The following LRRC4 variants were observed in gnomAD, a reference collection of about 807,000 sequenced individuals.
LRRC4 encodes leucine-rich repeat-containing protein 4.
A neutral mutation model predicts 37.9 loss-of-function variants in LRRC4; 11 were observed. The observed-to-expected ratio is 0.29, with a 90% confidence interval of 0.18 to 0.48. LRRC4 has a LOEUF of 0.48. Ranked by LOEUF, LRRC4 falls within the 20% of genes least tolerant of loss-of-function variation. LRRC4 has a pLI of 0.99. For synonymous variants in LRRC4, 404 were observed against 346.7 expected, an observed-to-expected ratio of 1.17 and a Z score of -1.84; for missense variants, 717 against 842.1, an observed-to-expected ratio of 0.85 and a Z score of 1.84.
rs1458361438 is a variant in LRRC4, at chr7:128,030,359, G to A, written c.282C>T (p.Thr94=). Residue 94 remains threonine, a synonymous_variant, in exon 2 of 2, where the codon ACC becomes ACT. Coordinates refer to ENST00000249363, the MANE Select transcript of LRRC4 (RefSeq NM_022143.5). ...CCTCCAGGTGGTGGAGGTGGCGGAA[G>A]GTGTCGGCCTGGATCATCTGGATGT... ...ENNIQMIQAD[T]FRHLHHLEVL... 3.7e-6 allele frequency: 6 copies of A among 1,613,956 alleles called. No individual in the cohort carries two copies. Among genetic ancestry groups the A allele is most frequent in the Non-Finnish European group, 3.4e-6 (4 of 1,180,040 alleles).
In LRRC4 at chr7:128,029,147, G is replaced by T. The variant is rs1348017281; in HGVS notation, c.1494C>A (p.Thr498=). Reference sequence around the variant, plus strand: ...GTACTGCCACCTGCTTGGGCACACGGGTAGTCTGAATGAGCACCGTGGTAG... The same window carrying T: ...GTACTGCCACCTGCTTGGGCACACGTGTAGTCTGAATGAGCACCGTGGTAG... The part of the protein sequence containing the change: ...TTSTTVLIQT[T]RVPKQVAVPA... The change falls in exon 2 of 2, where the codon ACC becomes ACA. Residue 498 remains threonine, a synonymous_variant. Transcript: ENST00000249363. The surrounding 1 kb of genome is among the most constrained non-coding windows in gnomAD (Gnocchi z 4.2). The T allele has an allele frequency of 1.2e-6, 2 of 1,614,110 alleles. No individual in the cohort carries two copies. The highest frequency in any genetic ancestry group is 1.1e-5 in the South Asian group (1 of 91,078).
At position 128,030,578 on chromosome 7, in the gene LRRC4, G is replaced by A. The variant is rs1363521324; in HGVS notation, c.63C>T (p.Phe21=). The change falls in exon 2 of 2, where the codon TTC becomes TTT. Residue 21 remains phenylalanine, a synonymous_variant. Transcript: ENST00000249363. ...HHTWNAILLP[F]VYLTAQVWIL... ...TCCACACTTGCGCCGTGAGGTAGAC[G>A]AACGGGAGCAGGATGGCATTCCAGG... The A allele has an allele frequency of 6.8e-6, 11 of 1,606,220 alleles. No homozygotes were observed. Among genetic ancestry groups the A allele is most frequent in the Non-Finnish European group, 9.4e-6 (11 of 1,174,806 alleles).
At position 128,028,775 on chromosome 7, in the gene LRRC4, G is replaced by T; in HGVS notation, c.1866C>A (p.Ser622Arg). The T allele has an allele frequency of 6.2e-7, 1 of 1,614,048 alleles. No homozygotes were observed. The highest frequency in any genetic ancestry group is 8.5e-7 in the Non-Finnish European group (1 of 1,180,000). ...PAHGAHWTEN[S>R]LGNSLHPTVT... is the part of the protein sequence containing the mutation. ...CTGTGGGGTGCAGAGAGTTCCCCAG[G>T]CTGTTTTCTGTCCAGTGGGCCCCAT... The change falls in exon 2 of 2, where the codon AGC becomes AGA. Residue 622 changes from serine to arginine, a missense_variant. Ser to Arg is a moderately radical substitution (Grantham distance 110). This residue lies in a region of LRRC4 where 140 missense variants were observed against 137.2 expected (regional missense o/e 1.02). Transcript: ENST00000249363.
chr7:128,032,013 A>G (rs1214582212), upstream of LRRC4: 2 of 151,178 alleles, frequency 1.3e-5, no homozygotes, highest in Non-Finnish European at 3.0e-5. Context: ...CGCGGCGCCC[A>G]CCGTCTCCTC....
Position 128,027,226 on chromosome 7 carries a change from G to C in LRRC4, c.*1453C>G, listed in dbSNP as rs1290314767. On this transcript the variant is annotated 3_prime_UTR_variant, in exon 2 of 2. Transcript: ENST00000249363. ...TTTAAAGCTAAAATAATAACTGAAA[G>C]AAGTTACATCATTAGATGGACCAGA... The C allele has an allele frequency of 7.2e-6, 1 of 138,042 alleles. No individual in the cohort carries two copies. Among genetic ancestry groups the C allele is most frequent in the African/African-American group, 2.8e-5 (1 of 35,794 alleles). The allele number at this position is 138,042 out of a possible 1,614,324, so 8.6% of individuals were successfully genotyped here. A position where few individuals can be genotyped will look rare whatever the true frequency, so the allele number is the denominator to read the frequency against.
chr7:128,032,126 T>C (rs1326238284), upstream of LRRC4: 2 of 151,840 alleles, frequency 1.3e-5, no homozygotes, highest in Non-Finnish European at 2.9e-5. Flanking sequence ...CGCATACTGT[T>C]CTGGGAGAAG....
chr7:128,029,537 C>G lies in LRRC4; in HGVS notation c.1104G>C (p.Arg368=), dbSNP rs1792514194. ...GAGTCCGACACTTAAGTTCTGCCAT[C>G]CGACCCTCAGAAATGTTGAGGTCTC... ...APRDLNISEG[R]MAELKCRTPP... is the part of the protein sequence containing the mutation. The change falls in exon 2 of 2, where the codon CGG becomes CGC. Residue 368 remains arginine (R), a synonymous_variant. Transcript: ENST00000249363. The surrounding 1 kb of genome is among the most constrained non-coding windows in gnomAD (Gnocchi z 4.2). The G allele has an allele frequency of 1.9e-6, 3 of 1,614,072 alleles. No homozygotes were observed. The highest frequency in any genetic ancestry group is 1.7e-6 in the Non-Finnish European group (2 of 1,180,024).
chr7:128,032,078 C>T (rs1308153149), upstream of LRRC4: 1 of 151,936 alleles, frequency 6.6e-6, no homozygotes, highest in African/African-American at 2.4e-5. Flanking sequence ...GCTCTCTCAT[C>T]CTTTTGTCCT....
chr7:128,030,997 C>A lies in LRRC4; in HGVS notation c.-185G>T, dbSNP rs115852530. The A allele has an allele frequency of 5.7e-3, 765 of 134,862 alleles. 5 individuals are homozygous for A. The highest frequency in any genetic ancestry group is 0.02 in the African/African-American group (737 of 36,190). The allele number at this position is 134,862 out of a possible 1,614,324, so 8.4% of individuals were successfully genotyped here. On this transcript the variant is annotated 5_prime_UTR_variant, in exon 1 of 2. Transcript: ENST00000249363. ...GGGCACCTCGTTCCCATTCCGACTT[C>A]TTAGTTTTAATTAACAAAAGGGGGA... is the stretch of plus-strand genomic sequence containing the variant.
rs1792480640 is a variant in LRRC4 at position 128,028,821 on chromosome 7, T to C, written c.1820A>G (p.Tyr607Cys). The C allele has an allele frequency of 6.2e-7, 1 of 1,614,068 alleles. No homozygotes were observed. Residue 607 changes from tyrosine (Y) to cysteine (C), a missense_variant, in exon 2 of 2, where the codon TAC becomes TGC. Physicochemically the swap from Tyr to Cys is radical, Grantham distance 194. Transcript: ENST00000249363. ...VLPTIHDHIN[Y>C]NTYKPAHGAH... The stretch of plus-strand genomic sequence containing the variant: ...CCCATGTGCTGGTTTGTAGGTGTTG[T>C]AGTTAATATGGTCATGAATTGTGGG...
chr7:128,031,793 T>TCGCC (rs1792616823), upstream of LRRC4, among the ~76,000 whole-genome samples: 3 of 143,288 alleles, frequency 2.1e-5, no homozygotes, highest in African/African-American at 7.5e-5. Flanking sequence ...CGCCCGCCGC[T>TCGCC]GCCCGGCCCC....
Position 128,029,250 on chromosome 7 carries a change from A to G in LRRC4, c.1391T>C (p.Ile464Thr). 6.2e-7 allele frequency: 1 copy of G among 1,614,006 alleles called. No individual in the cohort carries two copies. Among genetic ancestry groups the G allele is most frequent in the Non-Finnish European group, 8.5e-7 (1 of 1,180,026 alleles). ...CTTTCGCGTTGTGTCCTCAGGCGAG[A>G]TCTCCGTGGTCTCCACTGTTACTGT... ...FTTVTVETTE[I>T]SPEDTTRKYK... Residue 464 changes from isoleucine to threonine, a missense_variant, in exon 2 of 2, where the codon ATC (isoleucine) becomes ACC (threonine). Coordinates refer to ENST00000249363, the MANE Select transcript of LRRC4 (RefSeq NM_022143.5). The surrounding 1 kb of genome is among the most constrained non-coding windows in gnomAD (Gnocchi z 4.2).
upstream of LRRC4, chr7:128,031,962 C>T (rs1792628057): frequency 6.6e-6 from 1 of 150,630 alleles, no homozygotes; most frequent in South Asian, 2.1e-4. Flanking sequence ...ACATAGTCCC[C>T]GCTGGCTAGC....
At position 128,031,070 on chromosome 7, in the gene LRRC4, A is replaced by AGGGG. The variant is rs1792578753; in HGVS notation, c.-259_-258insCCCC. The AGGGG allele has an allele frequency of 3.0e-5, 4 of 132,230 alleles. No individual in the cohort carries two copies. The highest frequency in any genetic ancestry group is 2.6e-4 in the South Asian group (1 of 3,870). The allele number at this position is 132,230 out of a possible 1,614,324, so 8.2% of individuals were successfully genotyped here. A position where few individuals can be genotyped will look rare whatever the true frequency, so the allele number is the denominator to read the frequency against. On this transcript the variant is annotated 5_prime_UTR_variant, in exon 1 of 2. Transcript: ENST00000249363. Reference sequence around the variant, plus strand: ...GAGGGGAGGGGAGGGGAGGGGAGGGAAGGGGTGGGGGAGACAAAATGGCCT... The same window carrying AGGGG: ...GAGGGGAGGGGAGGGGAGGGGAGGGAGGGGAGGGGTGGGGGAGACAAAATGGCCT...
Position 128,029,285 on chromosome 7 carries a change from G to T in LRRC4, c.1356C>A (p.Ser452Arg), listed in dbSNP as rs757374250. ...STAELNTSNY[S>R]FFTTVTVETT... The stretch of plus-strand genomic sequence containing the variant: ...TCTCCACTGTTACTGTGGTGAAGAA[G>T]CTGTAGTTGGAGGTGTTAAGCTCAG... Residue 452 changes from serine (S) to arginine (R), a missense_variant, in exon 2 of 2, where the codon AGC (serine) becomes AGA (arginine). Physicochemically the swap from Ser to Arg is moderately radical, Grantham distance 110 (BLOSUM62 -1). Coordinates refer to ENST00000249363, the MANE Select transcript of LRRC4 (RefSeq NM_022143.5). This position sits in a 1 kb window ranked among gnomAD's most constrained non-coding sequence, Gnocchi z 4.2. The T allele has an allele frequency of 1.9e-6, 3 of 1,614,222 alleles. No homozygotes were observed. The Admixed American group carries it at 5.0e-5, about 27-fold the overall frequency.
upstream of LRRC4, chr7:128,031,490 C>T (rs1204984803): frequency 6.6e-6 from 1 of 151,462 alleles, no homozygotes; most frequent in Non-Finnish European, 1.5e-5. Flanking sequence ...GCGCCTTCGC[C>T]CTCCCCAGAC....
rs1487277772 is a variant in LRRC4 at position 128,029,388 on chromosome 7, T to G, written c.1253A>C (p.Asp418Ala). 6.2e-7 allele frequency: 1 copy of G among 1,614,188 alleles called. No individual in the cohort carries two copies. The highest frequency in any genetic ancestry group is 1.3e-5 in the African/African-American group (1 of 75,048). The change falls in exon 2 of 2, where the codon GAC becomes GCC. Residue 418 changes from aspartate (D) to alanine (A), a missense_variant. Around this residue, in one of 5 missense-constraint regions of LRRC4, gnomAD observed 293 missense variants for 268.3 expected, o/e 1.09. Coordinates refer to ENST00000249363, the MANE Select transcript of LRRC4 (RefSeq NM_022143.5). This position sits in a 1 kb window ranked among gnomAD's most constrained non-coding sequence, Gnocchi z 4.2. ...TLNFSHVLLS[D>A]TGVYTCMVTN... ...CACCATGCATGTGTACACCCCAGTG[T>G]CTGAAAGCAGCACGTGGGAAAAGTT...
chr7:128,029,104 CAGT>C lies in LRRC4; in HGVS notation c.1534_1536del (p.Thr512del), dbSNP rs1792492766. 1 of 1,614,040 alleles carries C rather than the reference CAGT, an allele frequency of 6.2e-7. No individual in the cohort carries two copies. Among genetic ancestry groups the C allele is most frequent in the Non-Finnish European group, 8.5e-7 (1 of 1,180,046 alleles). ...TCATCCAGGCTGGTCTGCATCTTGTCAGTGGTGTCTGTCGCGGGTACTGCCACC... is the reference window on the plus strand; with the variant it reads ...TCATCCAGGCTGGTCTGCATCTTGTCGGTGTCTGTCGCGGGTACTGCCACC... On this transcript the variant is annotated inframe_deletion, in exon 2 of 2. Coordinates refer to ENST00000249363, the MANE Select transcript of LRRC4 (RefSeq NM_022143.5). The surrounding 1 kb of genome is among the most constrained non-coding windows in gnomAD (Gnocchi z 4.2).
chr7:128,028,805 T>C lies in LRRC4; in HGVS notation c.1836A>G (p.Pro612=). ...HDHINYNTYK[P]AHGAHWTENS... is the part of the protein sequence containing the mutation. Reference sequence around the variant, plus strand: ...TTTCTGTCCAGTGGGCCCCATGTGCTGGTTTGTAGGTGTTGTAGTTAATAT... The same window carrying C: ...TTTCTGTCCAGTGGGCCCCATGTGCCGGTTTGTAGGTGTTGTAGTTAATAT... Residue 612 remains proline (P), a synonymous_variant, in exon 2 of 2, where the codon CCA becomes CCG. Coordinates refer to ENST00000249363, the MANE Select transcript of LRRC4 (RefSeq NM_022143.5). 1 of 1,614,202 alleles carries C rather than the reference T, an allele frequency of 6.2e-7. No homozygotes were observed. Among genetic ancestry groups the C allele is most frequent in the Non-Finnish European group, 8.5e-7 (1 of 1,180,028 alleles).
Sources: allele counts gnomAD v4.1 joint callset (sites outside exome capture counted in the v4.1 genomes callset), GRCh38; gene constraint gnomAD v4.1.1; regional missense constraint gnomAD v4.1.1; non-coding constraint Gnocchi (gnomAD v3.1); transcripts MANE v1.5; gene names NCBI Gene and HGNC (gene_info 2026-07-23, HGNC 2026-07-21).